Variants in AP3B1 observed in about 807,000 individuals in gnomAD.
The protein encoded by AP3B1 is AP-3 complex subunit beta-1.
Under a neutral mutation model 132.5 loss-of-function variants are expected in AP3B1, and 61 were observed. The observed-to-expected ratio is 0.46, with a 90% CI of 0.37 to 0.57. The LOEUF (loss-of-function observed/expected upper bound fraction) is 0.57. Among genes scored for constraint, AP3B1 ranks in the 20% least tolerant of loss-of-function variants. AP3B1 has a pLI of 0.00. For synonymous variants in AP3B1, 388 were observed against 438.3 expected, an observed-to-expected ratio of 0.89 and a Z score of 1.43; for missense variants, 1,120 against 1,289.4, an observed-to-expected ratio of 0.87 and a Z score of 2.01.
chr5:78,116,904 T>C (rs900754905), intron 17 of AP3B1, among the ~76,000 whole-genome samples: 3 of 152,146 alleles, frequency 2.0e-5, no homozygotes, highest in African/African-American at 7.2e-5. Context: ...AAGCTCCTTT[T>C]TGGCCTGAAA....
Position 78,003,074 on chromosome 5 carries a change from A to T in AP3B1, c.3132-19T>A. On this transcript the variant is annotated intron_variant, in intron 26 of 26. Transcript: ENST00000255194. ...TGCAAACCTGGAAGAGAAAAAAGAG[A>T]GACCTTTTATCATAAGATGGGGAGG... 1 of 1,613,490 alleles carries T rather than the reference A, an allele frequency of 6.2e-7. No homozygotes were observed. Among genetic ancestry groups the T allele is most frequent in the Non-Finnish European group, 8.5e-7 (1 of 1,179,714 alleles).
chr5:78,043,560 C>A, intron 22 of AP3B1: 2 of 439,932 alleles, frequency 4.5e-6, no homozygotes, highest in South Asian at 3.9e-5. Flanking sequence ...ACTTCTTTGA[C>A]CTTCCTCTCT....
intron 3 of AP3B1, 94 bp downstream of exon 3, chr5:78,240,768 T>TA (rs1327626527): frequency 2.4e-6 from 2 of 828,084 alleles, no homozygotes; most frequent in African/African-American, 3.4e-5. Context: ...AATCTAGTGA[T>TA]ACTTAAGTAT....
chr5:78,053,992 G>GT (rs770581164), intron 22 of AP3B1, among the ~76,000 whole-genome samples: 4 of 152,168 alleles, frequency 2.6e-5, no homozygotes, highest in Non-Finnish European at 5.9e-5. Context: ...TACTAGCCTT[G>GT]TAACACCAGA....
Position 78,141,277 on chromosome 5 carries a change from T to G in AP3B1, c.1516A>C (p.Asn506His). ...RASILWLIGENCERVPKIAPD... is the reference protein window; with the variant it reads ...RASILWLIGEHCERVPKIAPD... Reference sequence around the variant, plus strand: ...GCAATTTTAGGAACTCGTTCACAGTTTTCTCCAATTAGCCAAAGAATACTT... The same window carrying G: ...GCAATTTTAGGAACTCGTTCACAGTGTTCTCCAATTAGCCAAAGAATACTT... The change falls in exon 15 of 27, where the codon AAC becomes CAC. Residue 506 changes from asparagine to histidine, a missense_variant. By Grantham distance (68) the Asn-to-His change is moderately conservative. Around this residue, in one of 3 missense-constraint regions of AP3B1, gnomAD observed 906 missense variants for 997.1 expected, o/e 0.91. Transcript: ENST00000255194. 1 of 1,613,726 alleles carries G rather than the reference T, an allele frequency of 6.2e-7. No individual in the cohort carries two copies. The highest frequency in any genetic ancestry group is 8.5e-7 in the Non-Finnish European group (1 of 1,179,758).
intron 25 of AP3B1, among the ~76,000 whole-genome samples, chr5:78,018,446 C>CT (rs1440704582): frequency 2.6e-5 from 4 of 151,008 alleles, no homozygotes; most frequent in Middle Eastern, 3.2e-3. Flanking sequence ...ATGTAATACT[C>CT]TGTTAGAACC....
At chr5:78,025,200 C>T (rs1301241204) in intron 24 of AP3B1, among the ~76,000 whole-genome samples, 1 of 152,058 alleles carries the variant, frequency 6.6e-6, no homozygotes, top group Non-Finnish European at 1.5e-5. Flanking sequence ...TTTTGAATTA[C>T]TTGTTTATTC....
chr5:78,220,185 C>A (rs1374268952), intron 6 of AP3B1, among the ~76,000 whole-genome samples: 1 of 151,740 alleles, frequency 6.6e-6, no homozygotes, highest in African/African-American at 2.4e-5. Flanking sequence ...TATTTTTAAC[C>A]TTTCTACAAT....
At chr5:78,262,412 C>T (rs931062339) in intron 2 of AP3B1, among the ~76,000 whole-genome samples, 2 of 152,086 alleles carry the variant, frequency 1.3e-5, no homozygotes, top group Non-Finnish European at 2.9e-5. Context: ...TGGTGTGATA[C>T]AGAAAGAAAT....
chr5:78,247,085 A>G (rs933320130), intron 2 of AP3B1, among the ~76,000 whole-genome samples: 7 of 151,898 alleles, frequency 4.6e-5, no homozygotes, highest in African/African-American at 1.7e-4. Flanking sequence ...CATCATTTCT[A>G]AATGTATAAG....
intron 1 of AP3B1, among the ~76,000 whole-genome samples, chr5:78,271,870 C>A (rs1748558109): frequency 6.6e-6 from 1 of 152,228 alleles, no homozygotes; most frequent in Non-Finnish European, 1.5e-5. Flanking sequence ...AAATATGCTT[C>A]TTTGCCATAT....
At chr5:78,214,691 G>T (rs192812387) in intron 7 of AP3B1, among the ~76,000 whole-genome samples, 55 of 152,222 alleles carry the variant, frequency 3.6e-4, no homozygotes, top group African/African-American at 1.3e-3. Flanking sequence ...TCTCATCAAA[G>T]TTATCATAAA....
At chr5:78,128,524 C>T (rs1341020582) in intron 16 of AP3B1, among the ~76,000 whole-genome samples, 2 of 152,028 alleles carry the variant, frequency 1.3e-5, no homozygotes, top group Non-Finnish European at 2.9e-5. Context: ...AACTGAATTG[C>T]TTTTTATCGC....
chr5:78,206,616 C>T (rs1207124773), intron 7 of AP3B1, among the ~76,000 whole-genome samples: 3 of 151,538 alleles, frequency 2.0e-5, no homozygotes, highest in South Asian at 2.1e-4. Flanking sequence ...ACTAAGAACA[C>T]GAAATCAATC....
rs148065117 is a variant in AP3B1 at position 78,047,025 on chromosome 5, A to G, written c.2578-7751T>C. On this transcript the variant is annotated intron_variant, in intron 22 of 26. Transcript: ENST00000255194. The stretch of plus-strand genomic sequence containing the variant: ...CTTTATCCATGTCCATGCAAAGTAC[A>G]TGAACTCATCCTTTTTTATGGCTGC... 4.6e-3 allele frequency among the ~76,000 whole-genome samples: 704 copies of G among 152,320 alleles called. 4 individuals carry two copies. The highest frequency in any genetic ancestry group is 0.016 in the African/African-American group (656 of 41,558).
At chr5:78,014,743 A>G (rs948649735) in intron 26 of AP3B1, among the ~76,000 whole-genome samples, 1 of 152,192 alleles carries the variant, frequency 6.6e-6, no homozygotes, top group African/African-American at 2.4e-5. Context: ...CTGTGCAATC[A>G]CCAAATGGAT....
intron 2 of AP3B1, among the ~76,000 whole-genome samples, chr5:78,254,023 T>A (rs1747751628): frequency 6.7e-6 from 1 of 149,166 alleles, no homozygotes; most frequent in African/African-American, 2.5e-5. Context: ...TTAAAAAGAA[T>A]CAATCAGAAA....
At chr5:78,174,940 C>T (rs893680833) in intron 11 of AP3B1, among the ~76,000 whole-genome samples, 1 of 152,268 alleles carries the variant, frequency 6.6e-6, no homozygotes, top group African/African-American at 2.4e-5. Flanking sequence ...GATGCCCCTC[C>T]CCAAGCCAGG....
chr5:78,287,902 A>G (rs12189441), intron 1 of AP3B1, among the ~76,000 whole-genome samples: 35,127 of 152,122 alleles, frequency 0.23, 4,647 homozygotes, highest in Middle Eastern at 0.31. Context: ...TTATTAGAAC[A>G]CAAGAGATTT....
Sources: allele counts gnomAD v4.1 joint callset (sites outside exome capture counted in the v4.1 genomes callset), GRCh38; gene constraint gnomAD v4.1.1; regional missense constraint gnomAD v4.1.1; transcripts MANE v1.5; gene names NCBI Gene and HGNC (gene_info 2026-07-23, HGNC 2026-07-21).